The following RFC3 variants were observed in gnomAD, a reference collection of about 807,000 sequenced individuals.
RFC3 encodes A1 38 kDa subunit.
RFC3 carries 41 observed loss-of-function variants against 45.1 expected under a neutral mutation model. The ratio of observed to expected loss-of-function variants is 0.91; its 90% confidence interval spans 0.71 to 1.18. RFC3 has a LOEUF of 1.18. RFC3 is among the 50% of genes most tolerant of loss of function. The pLI, the probability that RFC3 is intolerant of heterozygous loss-of-function variation, is 0.00. For synonymous variants in RFC3, 149 were observed against 144.0 expected (o/e 1.03, Z -0.25); for missense variants, 423 against 428.1 (o/e 0.99, Z 0.10).
intron 8 of RFC3, among the ~76,000 whole-genome samples, chr13:33,887,858 T>A (rs2082536386): frequency 6.6e-6 from 1 of 152,098 alleles, no homozygotes; most frequent in African/African-American, 2.4e-5. Context: ...GCTAGCCAGT[T>A]TTCCCAGCAC....
chr13:33,890,371 T>C (rs2082555993), intron 8 of RFC3, among the ~76,000 whole-genome samples: 1 of 152,216 alleles, frequency 6.6e-6, no homozygotes, highest in Non-Finnish European at 1.5e-5. Context: ...GTGCCATTAC[T>C]ACCCTATATG....
At chr13:33,821,421 G>C in intron 2 of RFC3, 152 bp downstream of exon 2, 2 of 742,020 alleles carry the variant, frequency 2.7e-6, no homozygotes, top group East Asian at 2.7e-5. Context: ...GAGAGCTACT[G>C]ATATGGATCT....
chr13:33,878,955 G>C (rs945853782), intron 8 of RFC3, among the ~76,000 whole-genome samples: 2 of 152,124 alleles, frequency 1.3e-5, no homozygotes, highest in Non-Finnish European at 2.9e-5. Context: ...AAGGGGATGA[G>C]TGTGTGAATT....
At position 33,881,687 on chromosome 13, in the gene RFC3, G is replaced by A. The variant is rs181397718; in HGVS notation, c.879+46470G>A. On this transcript the variant is annotated intron_variant, in intron 8 of 8. Transcript: ENST00000434425. ...TCCTGTTCACAACCTACACCCTCTC[G>A]TTCCCTCTGTCCCTGTTCTTGTACC... is the stretch of plus-strand genomic sequence containing the variant. Among the ~76,000 whole-genome samples, 58 of 151,880 alleles carry A rather than the reference G, an allele frequency of 3.8e-4. 1 individual carries two copies. Among genetic ancestry groups the A allele is most frequent in the African/African-American group, 1.1e-3 (45 of 41,420 alleles).
At chr13:33,935,216 A>G (rs1468232923) in intron 8 of RFC3, among the ~76,000 whole-genome samples, 3 of 152,154 alleles carry the variant, frequency 2.0e-5, no homozygotes, top group Non-Finnish European at 4.4e-5. Flanking sequence ...GATTATGAGG[A>G]AACAACTGAG....
At chr13:33,896,808 A>G (rs2137653272) in intron 8 of RFC3, among the ~76,000 whole-genome samples, 1 of 151,614 alleles carries the variant, frequency 6.6e-6, no homozygotes, top group South Asian at 2.1e-4. Flanking sequence ...AATGGAAACT[A>G]TATAGGCCAA....
intron 8 of RFC3, among the ~76,000 whole-genome samples, chr13:33,948,801 C>G (rs145535087): frequency 0.015 from 2,298 of 152,244 alleles, 69 homozygotes; most frequent in African/African-American, 0.053. Flanking sequence ...GGTCTGTAGC[C>G]CCTTTGTTCT....
At chr13:33,891,659 A>G (rs1422484746) in intron 8 of RFC3, among the ~76,000 whole-genome samples, 1 of 152,190 alleles carries the variant, frequency 6.6e-6, no homozygotes, top group Non-Finnish European at 1.5e-5. Context: ...ATGAACAACA[A>G]CAAAAAAAGT....
intron 1 of RFC3, among the ~76,000 whole-genome samples, 198 bp from the exon 2 acceptor site, chr13:33,820,934 T>A (rs897288875): frequency 1.5e-5 from 2 of 137,876 alleles, no homozygotes; most frequent in Admixed American, 7.2e-5. Flanking sequence ...TATATATATA[T>A]AAAAGATACA....
At chr13:33,871,605 A>C (rs1455544570) in intron 8 of RFC3, among the ~76,000 whole-genome samples, 1 of 152,100 alleles carries the variant, frequency 6.6e-6, no homozygotes, top group African/African-American at 2.4e-5. Context: ...TGACATATTC[A>C]CAGGTTCCAG....
At chr13:33,888,955 A>G (rs879670469) in intron 8 of RFC3, among the ~76,000 whole-genome samples, 1 of 152,170 alleles carries the variant, frequency 6.6e-6, no homozygotes, top group Admixed American at 6.5e-5. Context: ...CGTGTTAGCC[A>G]GGATGGTCTC....
intron 8 of RFC3, among the ~76,000 whole-genome samples, chr13:33,925,858 GTGTC>G (rs1230965940): frequency 5.9e-5 from 9 of 151,942 alleles, no homozygotes; most frequent in Admixed American, 5.9e-4. Flanking sequence ...AGACTGCAGA[GTGTC>G]TGACATTGTT....
At chr13:33,890,914 T>G (rs1337419358) in intron 8 of RFC3, among the ~76,000 whole-genome samples, 1 of 152,204 alleles carries the variant, frequency 6.6e-6, no homozygotes, top group Non-Finnish European at 1.5e-5. Context: ...AAAATTAACC[T>G]AATTTTTAAA....
intron 7 of RFC3, among the ~76,000 whole-genome samples, chr13:33,832,819 A>C (rs2082116608): frequency 1.3e-5 from 2 of 152,184 alleles, no homozygotes. Flanking sequence ...GATATTAAAG[A>C]AGAAAAATTG....
chr13:33,901,602 A>G (rs1317736506), intron 8 of RFC3, among the ~76,000 whole-genome samples: 1 of 152,048 alleles, frequency 6.6e-6, no homozygotes, highest in East Asian at 1.9e-4. Flanking sequence ...CCTGATAGAA[A>G]AAATAAGACC....
chr13:33,970,170 G>A (rs2083104220), downstream of RFC3, among the ~76,000 whole-genome samples: 1 of 152,108 alleles, frequency 6.6e-6, no homozygotes, highest in East Asian at 1.9e-4. Context: ...TCATTCATAA[G>A]TGAGAACATG....
intron 8 of RFC3, among the ~76,000 whole-genome samples, chr13:33,914,000 A>G (rs1027878726): frequency 6.6e-6 from 1 of 151,010 alleles, no homozygotes. Context: ...TCATGTAATT[A>G]CTGGGGAAAC....
At chr13:33,863,483 C>T (rs2082354561) in intron 8 of RFC3, among the ~76,000 whole-genome samples, 1 of 152,186 alleles carries the variant, frequency 6.6e-6, no homozygotes, top group South Asian at 2.1e-4. Flanking sequence ...GCCATATGTT[C>T]TGTGGGTCTG....
At chr13:33,952,831 G>C (rs1864902404) in intron 8 of RFC3, among the ~76,000 whole-genome samples, 1 of 152,078 alleles carries the variant, frequency 6.6e-6, no homozygotes, top group South Asian at 2.1e-4. Context: ...TTCTTAGAAA[G>C]GTTTTTTTTT....
Sources: allele counts gnomAD v4.1 joint callset (sites outside exome capture counted in the v4.1 genomes callset), GRCh38; gene constraint gnomAD v4.1.1; transcripts MANE v1.5; gene names NCBI Gene and HGNC (gene_info 2026-07-23, HGNC 2026-07-21).